The following NHLRC4 variants were observed in gnomAD, a reference collection of about 807,000 sequenced individuals.
The protein encoded by NHLRC4 is NHL-repeat-containing protein 4.
For synonymous variants in NHLRC4, 73 were observed against 69.0 expected, an observed-to-expected ratio of 1.06 and a Z score of -0.29; for missense variants, 158 against 155.4, an observed-to-expected ratio of 1.02 and a Z score of -0.09.
At position 568,882 on chromosome 16, in the gene NHLRC4, C is replaced by A. The variant is rs2151040493; in HGVS notation, c.*463C>A. 6.1e-6 allele frequency: 1 copy of A among 163,822 alleles called. No individual in the cohort carries two copies. Among genetic ancestry groups the A allele is most frequent in the Non-Finnish European group, 1.3e-5 (1 of 74,594 alleles). The allele number at this position is 163,822 out of a possible 1,614,324, so 10.1% of individuals were successfully genotyped here. On this transcript the variant is annotated 3_prime_UTR_variant, in exon 2 of 2. Coordinates refer to ENST00000424439, the MANE Select transcript of NHLRC4 (RefSeq NM_001301159.2). ...GACAGGCAGGGAGGGTGTGGCTGGG[C>A]TGGGCTGGGCGGGGCGGCCTGGGGC...
At position 568,481 on chromosome 16, in the gene NHLRC4, C is replaced by T; in HGVS notation, c.*62C>T. 1.3e-6 allele frequency: 2 copies of T among 1,515,196 alleles called. No homozygotes were observed. Among genetic ancestry groups the T allele is most frequent in the Admixed American group, 4.3e-5 (2 of 46,326 alleles). 93.9% of individuals were successfully genotyped at this position (1,515,196 alleles called of 1,614,324 possible). ...GGCCAGCTCCCAGGCCCTTGGATCA[C>T]CGCGGGAGGAACCCTCAGGATGGGT... is the stretch of plus-strand genomic sequence containing the variant. On this transcript the variant is annotated 3_prime_UTR_variant, in exon 2 of 2. Coordinates refer to ENST00000424439, the MANE Select transcript of NHLRC4 (RefSeq NM_001301159.2).
chr16:568,229 A>G lies in NHLRC4; in HGVS notation c.182A>G (p.Asn61Ser), dbSNP rs370675630. The part of the protein sequence containing the change: ...PAGICSNSEG[N>S]VIVADEQRRQ... The stretch of plus-strand genomic sequence containing the variant: ...GGCATCTGCTCCAACTCAGAGGGCA[A>G]TGTTATTGTGGCAGACGAGCAGAGG... The change falls in exon 2 of 2, where the codon AAT becomes AGT. Residue 61 changes from asparagine to serine, a missense_variant. Transcript: ENST00000424439. 18 of 1,612,196 alleles carry G rather than the reference A, an allele frequency of 1.1e-5. No homozygotes were observed. The highest frequency in any genetic ancestry group is 1.4e-5 in the Non-Finnish European group (16 of 1,179,712).
Position 568,356 on chromosome 16 carries a change from C to T in NHLRC4, c.309C>T (p.Leu103=). ...LGVACAPQGQ[L]LVADAKDNSI... is the part of the protein sequence containing the mutation. ...TGGCCTGTGCACCCCAGGGCCAGCTCCTGGTGGCTGATGCCAAGGACAACT... is the reference window on the plus strand; with the variant it reads ...TGGCCTGTGCACCCCAGGGCCAGCTTCTGGTGGCTGATGCCAAGGACAACT... Residue 103 remains leucine (L), a synonymous_variant, in exon 2 of 2, where the codon CTC becomes CTT. Transcript: ENST00000424439. The T allele has an allele frequency of 6.2e-7, 1 of 1,611,648 alleles. No homozygotes were observed. Among genetic ancestry groups the T allele is most frequent in the East Asian group, 2.2e-5 (1 of 44,836 alleles).
chr16:568,333 G>A lies in NHLRC4; in HGVS notation c.286G>A (p.Ala96Thr). 1 of 1,611,498 alleles carries A rather than the reference G, an allele frequency of 6.2e-7. No individual in the cohort carries two copies. The highest frequency in any genetic ancestry group is 1.1e-5 in the South Asian group (1 of 90,956). Residue 96 changes from alanine to threonine, a missense_variant, in exon 2 of 2, where the codon GCC becomes ACC. By Grantham distance (58) the Ala-to-Thr change is moderately conservative. Coordinates refer to ENST00000424439, the MANE Select transcript of NHLRC4 (RefSeq NM_001301159.2). Reference protein sequence around the residue: ...SEGLGQPLGVACAPQGQLLVA... With the variant: ...SEGLGQPLGVTCAPQGQLLVA... ...GGGGCTTGGGCAGCCCTTGGGAGTG[G>A]CCTGTGCACCCCAGGGCCAGCTCCT...
chr16:567,314 C>T (rs991439522), intron 1 of NHLRC4, among the ~76,000 whole-genome samples, 157 bp from the exon 2 acceptor site: 3 of 152,154 alleles, frequency 2.0e-5, no homozygotes, highest in South Asian at 2.1e-4. Context: ...AAACCCACAG[C>T]GAGCTCCACG....
chr16:568,972 T>G lies in NHLRC4; in HGVS notation c.*553T>G, dbSNP rs2035576116. ...CTAGAGTCCTGAGCCTCCAGTAGCT[T>G]CTCTGGGCCTGGCAGAGGTAAGGGG... On this transcript the variant is annotated 3_prime_UTR_variant, in exon 2 of 2. Transcript: ENST00000424439. 1.2e-5 allele frequency: 2 copies of G among 167,832 alleles called. No homozygotes were observed. Among genetic ancestry groups the G allele is most frequent in the Admixed American group, 6.2e-5 (1 of 16,202 alleles). 10.4% of individuals were successfully genotyped at this position (167,832 alleles called of 1,614,324 possible).
chr16:567,860 G>C lies in NHLRC4; in HGVS notation c.-188G>C, dbSNP rs1426441849. On this transcript the variant is annotated 5_prime_UTR_variant, in exon 2 of 2. Transcript: ENST00000424439. ...GTGGTGGTCAGCGATCCCATCCATG[G>C]GGCTGTCCATGCACTCCAGCACACA... The C allele has an allele frequency of 1.7e-6, 1 of 596,458 alleles. No homozygotes were observed. The highest frequency in any genetic ancestry group is 2.9e-6 in the Non-Finnish European group (1 of 349,610). The allele number at this position is 596,458 out of a possible 1,614,324, so 36.9% of individuals were successfully genotyped here.
rs2035562096 is a variant in NHLRC4 at position 568,135 on chromosome 16, T to C, written c.88T>C (p.Phe30Leu). 1 of 1,605,072 alleles carries C rather than the reference T, an allele frequency of 6.2e-7. No individual in the cohort carries two copies. The highest frequency in any genetic ancestry group is 1.3e-5 in the African/African-American group (1 of 74,754). The part of the protein sequence containing the change: ...VSEEFGDVRL[F>L]GSARQPLGSL... ...TGAGGAGTTTGGGGATGTGAGGCTGTTTGGCAGTGCCCGCCAACCCCTGGG... is the reference window on the plus strand; with the variant it reads ...TGAGGAGTTTGGGGATGTGAGGCTGCTTGGCAGTGCCCGCCAACCCCTGGG... The change falls in exon 2 of 2, where the codon TTT becomes CTT. Residue 30 changes from phenylalanine to leucine, a missense_variant. Physicochemically the swap from Phe to Leu is conservative, Grantham distance 22 (BLOSUM62 0). Coordinates refer to ENST00000424439, the MANE Select transcript of NHLRC4 (RefSeq NM_001301159.2).
In NHLRC4 at chr16:569,285, C is replaced by T. The variant is rs1370432184; in HGVS notation, c.*866C>T. 1.2e-5 allele frequency: 2 copies of T among 167,058 alleles called. No homozygotes were observed. 10.3% of individuals were successfully genotyped at this position (167,058 alleles called of 1,614,324 possible). A position where few individuals can be genotyped will look rare whatever the true frequency, so the allele number is the denominator to read the frequency against. The stretch of plus-strand genomic sequence containing the variant: ...CGTGAAAGGAGAGGCGTCTGGGTTA[C>T]TCCGTGGGTCTGGGGTCCAGGGAAG... On this transcript the variant is annotated 3_prime_UTR_variant, in exon 2 of 2. Transcript: ENST00000424439.
In NHLRC4 at chr16:568,638, G is replaced by A. The variant is rs2151040379; in HGVS notation, c.*219G>A. ...CAGCCCTGAGTCTGCTTCCCAGGCT[G>A]CCCCTGCCAGGCCTGCAGCCTCCCC... On this transcript the variant is annotated 3_prime_UTR_variant, in exon 2 of 2. Coordinates refer to ENST00000424439, the MANE Select transcript of NHLRC4 (RefSeq NM_001301159.2). 2 of 596,126 alleles carry A rather than the reference G, an allele frequency of 3.4e-6. No individual in the cohort carries two copies. The highest frequency in any genetic ancestry group is 6.0e-5 in the East Asian group (2 of 33,166). The allele number at this position is 596,126 out of a possible 1,614,324, so 36.9% of individuals were successfully genotyped here. A position where few individuals can be genotyped will look rare whatever the true frequency, so the allele number is the denominator to read the frequency against.
intron 1 of NHLRC4, 70 bp from the exon 2 acceptor site, chr16:567,401 C>G (rs1342045918): frequency 6.5e-6 from 1 of 153,004 alleles, no homozygotes; most frequent in Non-Finnish European, 1.5e-5. Context: ...CCAGGTAGAC[C>G]CTCAGGACCA....
chr16:567,708 G>A lies in NHLRC4; in HGVS notation c.-340G>A, dbSNP rs550242007. On this transcript the variant is annotated 5_prime_UTR_variant, in exon 2 of 2. Coordinates refer to ENST00000424439, the MANE Select transcript of NHLRC4 (RefSeq NM_001301159.2). ...CCCCCGATGGCCTGCTCTTCCTCAC[G>A]GCCGGGGCTGCACCCTGTGTCCACG... 9 of 243,918 alleles carry A rather than the reference G, an allele frequency of 3.7e-5. No individual in the cohort carries two copies. In the East Asian group the frequency reaches 3.7e-4, roughly 10 times the overall value. 15.1% of individuals were successfully genotyped at this position (243,918 alleles called of 1,614,324 possible).
chr16:568,379 A>T lies in NHLRC4; in HGVS notation c.332A>T (p.Asn111Ile). ...CTCCTGGTGGCTGATGCCAAGGACA[A>T]CTCCATCAAGGTGTACCAGGGCCTC... ...GQLLVADAKD[N>I]SIKVYQGLKE... is the part of the protein sequence containing the mutation. Residue 111 changes from asparagine to isoleucine, a missense_variant, in exon 2 of 2, where the codon AAC (asparagine) becomes ATC (isoleucine). Asn to Ile is a moderately radical substitution (Grantham distance 149, BLOSUM62 -3). Transcript: ENST00000424439. 17 of 1,611,692 alleles carry T rather than the reference A, an allele frequency of 1.1e-5. No homozygotes were observed. Among genetic ancestry groups the T allele is most frequent in the Non-Finnish European group, 1.4e-5 (17 of 1,179,592 alleles).
At chr16:567,161 T>G (rs1461123233) in intron 1 of NHLRC4, 86 bp downstream of exon 1, 1 of 151,822 alleles carries the variant, frequency 6.6e-6, no homozygotes, top group Non-Finnish European at 1.5e-5. Flanking sequence ...GGGTCAGAAG[T>G]CTCCCTGACC....
Position 568,203 on chromosome 16 carries a change from G to C in NHLRC4, c.156G>C (p.Ala52=), listed in dbSNP as rs778263485. The change falls in exon 2 of 2, where the codon GCG becomes GCC. Residue 52 remains alanine (A), a synonymous_variant. Coordinates refer to ENST00000424439, the MANE Select transcript of NHLRC4 (RefSeq NM_001301159.2). ...GWTGHTFGCP[A]GICSNSEGNV... ...CGGGGCACACTTTCGGCTGCCCAGCGGGCATCTGCTCCAACTCAGAGGGCA... is the reference window on the plus strand; with the variant it reads ...CGGGGCACACTTTCGGCTGCCCAGCCGGCATCTGCTCCAACTCAGAGGGCA... The C allele has an allele frequency of 1.9e-6, 3 of 1,611,676 alleles. No individual in the cohort carries two copies. Among genetic ancestry groups the C allele is most frequent in the Non-Finnish European group, 2.5e-6 (3 of 1,179,466 alleles).
rs2035557531 is a variant in NHLRC4 at position 567,917 on chromosome 16, T to C, written c.-131T>C. ...GACCCCGGGGGCCACTGGGTGACAG[T>C]GGGCACCTTCCTGTCTCCCCGAGGG... On this transcript the variant is annotated 5_prime_UTR_variant, in exon 2 of 2. Coordinates refer to ENST00000424439, the MANE Select transcript of NHLRC4 (RefSeq NM_001301159.2). The C allele has an allele frequency of 1.0e-6, 1 of 987,044 alleles. No homozygotes were observed. Among genetic ancestry groups the C allele is most frequent in the Non-Finnish European group, 1.4e-6 (1 of 692,014 alleles). 61.1% of individuals were successfully genotyped at this position (987,044 alleles called of 1,614,324 possible).
At position 568,019 on chromosome 16, in the gene NHLRC4, C is replaced by A. The variant is rs767166202; in HGVS notation, c.-29C>A. On this transcript the variant is annotated 5_prime_UTR_variant, in exon 2 of 2. It adds an upstream start codon to the 5' untranslated region. Coordinates refer to ENST00000424439, the MANE Select transcript of NHLRC4 (RefSeq NM_001301159.2). ...GCTGTGCACAGCTTCTCGTTGGGTC[C>A]TGCTTGGGAGCCCCTGGCCCCAGCC... The A allele has an allele frequency of 1.3e-6, 2 of 1,503,956 alleles. No homozygotes were observed. Among genetic ancestry groups the A allele is most frequent in the Non-Finnish European group, 1.8e-6 (2 of 1,133,340 alleles). 93.2% of individuals were successfully genotyped at this position (1,503,956 alleles called of 1,614,324 possible).
chr16:568,503 G>A lies in NHLRC4; in HGVS notation c.*84G>A. 2.1e-6 allele frequency: 3 copies of A among 1,426,094 alleles called. No individual in the cohort carries two copies. Among genetic ancestry groups the A allele is most frequent in the East Asian group, 2.5e-5 (1 of 40,674 alleles). The allele number at this position is 1,426,094 out of a possible 1,614,324, so 88.3% of individuals were successfully genotyped here. A position where few individuals can be genotyped will look rare whatever the true frequency, so the allele number is the denominator to read the frequency against. On this transcript the variant is annotated 3_prime_UTR_variant, in exon 2 of 2. Coordinates refer to ENST00000424439, the MANE Select transcript of NHLRC4 (RefSeq NM_001301159.2). ...TCACCGCGGGAGGAACCCTCAGGAT[G>A]GGTGGAGCCTCCAGGCTATGGGCAT...
chr16:568,202 C>A lies in NHLRC4; in HGVS notation c.155C>A (p.Ala52Glu), dbSNP rs200912937. ...GWTGHTFGCPAGICSNSEGNV... is the reference protein window; with the variant it reads ...GWTGHTFGCPEGICSNSEGNV... ...ACGGGGCACACTTTCGGCTGCCCAG[C>A]GGGCATCTGCTCCAACTCAGAGGGC... is the stretch of plus-strand genomic sequence containing the variant. Residue 52 changes from alanine to glutamate, a missense_variant, in exon 2 of 2, where the codon GCG (alanine) becomes GAG (glutamate). Physicochemically the swap from Ala to Glu is moderately radical, Grantham distance 107. Transcript: ENST00000424439. 62 of 1,611,642 alleles carry A rather than the reference C, an allele frequency of 3.8e-5. No homozygotes were observed. In the East Asian group the frequency reaches 1.2e-3, roughly 32 times the overall value.
Sources: gnomAD v4.1 joint callset for allele counts (sites outside exome capture counted in the v4.1 genomes callset) on GRCh38, gnomAD v4.1.1 for gene constraint, MANE v1.5 for transcripts, NCBI Gene and HGNC (gene_info 2026-07-23, HGNC 2026-07-21) for gene names.